Variants in AACS observed in about 807,000 individuals in gnomAD.
AACS encodes the protein acetoacetyl-CoA synthetase, also known as acetoacetate-CoA ligase.
AACS carries 69 observed loss-of-function variants against 83.1 expected under a neutral mutation model. The observed-to-expected ratio is 0.83, with a 90% CI of 0.68 to 1.01. AACS has a LOEUF of 1.01. Among genes scored for constraint, AACS ranks in the 50% least tolerant of loss-of-function variants. The pLI, the probability that AACS is intolerant of heterozygous loss-of-function variation, is 0.00. For synonymous variants in AACS, 333 were observed against 343.4 expected, an observed-to-expected ratio of 0.97 and a Z score of 0.33; for missense variants, 866 against 882.2, an observed-to-expected ratio of 0.98 and a Z score of 0.23.
At chr12:125,072,108 C>T (rs952934660) in intron 1 of AACS, among the ~76,000 whole-genome samples, 10 of 151,290 alleles carry the variant, frequency 6.6e-5, no homozygotes, top group Middle Eastern at 3.5e-3. Flanking sequence ...CCACCCATCT[C>T]GGCCTCCCAA....
chr12:125,086,536 G>A, intron 4 of AACS, 93 bp downstream of exon 4: 1 of 1,146,486 alleles, frequency 8.7e-7, no homozygotes, highest in African/African-American at 1.5e-5. Context: ...ATAAGGGGGA[G>A]TCATGTCATA....
chr12:125,087,393 T>C (rs774499444), intron 4 of AACS, among the ~76,000 whole-genome samples: 2 of 152,202 alleles, frequency 1.3e-5, no homozygotes, highest in Non-Finnish European at 2.9e-5. Flanking sequence ...GTGGAAAAAA[T>C]GTAAAGGCCT....
Position 125,097,459 on chromosome 12 carries a change from G to A in AACS, c.571-5220G>A, listed in dbSNP as rs931297114. The stretch of plus-strand genomic sequence containing the variant: ...AAAAAAAAAAAAAAAAAGTGCGTTG[G>A]GGCAGCTCCAAGGGCGTCTCTGTAA... On this transcript the variant is annotated intron_variant, in intron 5 of 17. Coordinates refer to ENST00000316519, the MANE Select transcript of AACS (RefSeq NM_023928.5). This position sits in a 1 kb window ranked among gnomAD's most constrained non-coding sequence, Gnocchi z 4.3. 5.9e-5 allele frequency among the ~76,000 whole-genome samples: 9 copies of A among 151,838 alleles called. No homozygotes were observed. The East Asian group carries it at 1.7e-3, about 29-fold the overall frequency.
chr12:125,089,220 T>C (rs1049871057), intron 4 of AACS, among the ~76,000 whole-genome samples: 2 of 152,200 alleles, frequency 1.3e-5, no homozygotes, highest in African/African-American at 4.8e-5. Context: ...CTGCCGGATG[T>C]GGGTGGAACC....
rs111312633 is a variant in AACS, at chr12:125,117,228, A to G, written c.997-1413A>G. ...GGAGTTTGGGACCAGCCTGGCCAAC[A>G]TGGAAAAACCCTGTCTCTACTAAAA... On this transcript the variant is annotated intron_variant, in intron 9 of 17. Transcript: ENST00000316519. Among the ~76,000 whole-genome samples, 406 of 152,234 alleles carry G rather than the reference A, an allele frequency of 2.7e-3. 3 individuals carry two copies. Among genetic ancestry groups the G allele is most frequent in the African/African-American group, 9.1e-3 (380 of 41,550 alleles).
In AACS at chr12:125,134,800, C is replaced by T. The variant is rs1957378497; in HGVS notation, c.1626C>T (p.Gly542=). Residue 542 remains glycine, a synonymous_variant, in exon 16 of 18, where the codon GGC becomes GGT. Coordinates refer to ENST00000316519, the MANE Select transcript of AACS (RefSeq NM_023928.5). ...ACCTCTTCTCTCTTTCCAGTGACGG[C>T]ACCCTCAACCCCAACGGGGTGCGGT... ...GGIVMLGRSD[G]TLNPNGVRFG... The T allele has an allele frequency of 6.8e-6, 11 of 1,614,064 alleles. No homozygotes were observed. The highest frequency in any genetic ancestry group is 9.3e-6 in the Non-Finnish European group (11 of 1,180,042).
chr12:125,074,157 G>A (rs1955954687), intron 2 of AACS, among the ~76,000 whole-genome samples, 178 bp downstream of exon 2: 1 of 152,182 alleles, frequency 6.6e-6, no homozygotes. Context: ...GAACTTTGCA[G>A]CCTGTTAATC....
At chr12:125,100,026 T>A (rs2136088342) in intron 5 of AACS, among the ~76,000 whole-genome samples, 1 of 152,216 alleles carries the variant, frequency 6.6e-6, no homozygotes, top group East Asian at 1.9e-4. Flanking sequence ...TTACTTTTAT[T>A]TTATTTTAAG....
At chr12:125,089,284 G>A (rs925959034) in intron 4 of AACS, among the ~76,000 whole-genome samples, 4 of 152,170 alleles carry the variant, frequency 2.6e-5, no homozygotes, top group Admixed American at 1.3e-4. Flanking sequence ...CAGGGGAGTC[G>A]CGTGTGAATC....
rs59869271 is a variant in AACS, at chr12:125,114,836, C to T, written c.996+279C>T. The stretch of plus-strand genomic sequence containing the variant: ...ACATGGTAAGGGCTTCCCCGGGCGC[C>T]GGCCCGTGGCACATGGTAAGGGCTT... On this transcript the variant is annotated intron_variant, in intron 9 of 17. Transcript: ENST00000316519. 1.1e-4 allele frequency among the ~76,000 whole-genome samples: 17 copies of T among 151,180 alleles called. No homozygotes were observed. The South Asian group carries it at 2.1e-3, about 19-fold the overall frequency.
At chr12:125,067,959 T>C (rs1955750560) in intron 1 of AACS, among the ~76,000 whole-genome samples, 1 of 152,084 alleles carries the variant, frequency 6.6e-6, no homozygotes, top group South Asian at 2.1e-4. Flanking sequence ...AGTCATTGAG[T>C]GGGTGTGCAG....
At chr12:125,078,903 C>T (rs1158657168) in intron 3 of AACS, among the ~76,000 whole-genome samples, 1 of 147,806 alleles carries the variant, frequency 6.8e-6, no homozygotes, top group Non-Finnish European at 1.5e-5. Context: ...TTCCGGGGGG[C>T]AAAGCGTGGT....
chr12:125,135,615 A>G (rs965481213), intron 16 of AACS, among the ~76,000 whole-genome samples: 2 of 152,218 alleles, frequency 1.3e-5, no homozygotes, highest in Non-Finnish European at 2.9e-5. Context: ...CTCTTATGCT[A>G]GTGCTTAGGT....
chr12:125,104,946 C>G lies in AACS; in HGVS notation c.767+1865C>G, dbSNP rs1215327351. Among the ~76,000 whole-genome samples, 34 of 144,278 alleles carry G rather than the reference C, an allele frequency of 2.4e-4. No homozygotes were observed. The Admixed American group carries it at 2.6e-3, about 11-fold the overall frequency. The allele number at this position is 144,278 out of a possible 152,430, so 94.7% of individuals were successfully genotyped here. ...GGGGAGGCTGTATGGAGCTTGTGAT[C>G]ATGGCGGAAGGGAAGTGGAGCGGGC... is the stretch of plus-strand genomic sequence containing the variant. On this transcript the variant is annotated intron_variant, in intron 7 of 17. Coordinates refer to ENST00000316519, the MANE Select transcript of AACS (RefSeq NM_023928.5).
intron 1 of AACS, among the ~76,000 whole-genome samples, chr12:125,065,972 C>T (rs536668112): frequency 3.7e-4 from 57 of 152,354 alleles, no homozygotes; most frequent in African/African-American, 1.0e-3. Context: ...TGTCACCCCT[C>T]GGGAGGGCCA....
chr12:125,125,235 A>G (rs1957229385), intron 12 of AACS, among the ~76,000 whole-genome samples: 1 of 152,230 alleles, frequency 6.6e-6, no homozygotes, highest in African/African-American at 2.4e-5. Flanking sequence ...GGGGAAATAG[A>G]TTTATGTACA....
chr12:125,068,883 A>G (rs1345433560), intron 1 of AACS, among the ~76,000 whole-genome samples: 1 of 148,118 alleles, frequency 6.8e-6, no homozygotes. Flanking sequence ...TCTGTCACCC[A>G]GGCTGGAGTG....
chr12:125,093,035 T>C (rs1956523397), intron 5 of AACS, among the ~76,000 whole-genome samples: 1 of 152,178 alleles, frequency 6.6e-6, no homozygotes, highest in South Asian at 2.1e-4. Context: ...GGCAGCAGTG[T>C]TAGTGCAACT....
At chr12:125,131,919 T>C (rs576033894) in intron 14 of AACS, among the ~76,000 whole-genome samples, 3 of 152,200 alleles carry the variant, frequency 2.0e-5, no homozygotes, top group Non-Finnish European at 4.4e-5. Context: ...TTTTAAAAAC[T>C]TAAAATTTTA....
Sources: gnomAD v4.1 joint callset for allele counts (sites outside exome capture counted in the v4.1 genomes callset) on GRCh38, gnomAD v4.1.1 for gene constraint, Gnocchi (gnomAD v3.1) non-coding constraint, MANE v1.5 for transcripts, NCBI Gene and HGNC (gene_info 2026-07-23, HGNC 2026-07-21) for gene names.